Variants in ACSS2 observed in about 807,000 individuals in gnomAD.
The protein encoded by ACSS2 is acyl-CoA synthetase short chain family member 2, also known as acetyl-coenzyme A synthetase, cytoplasmic.
ACSS2 carries 58 observed loss-of-function variants against 90.6 expected under a neutral mutation model. The observed-to-expected ratio is 0.64, with a 90% CI of 0.52 to 0.80. The LOEUF is 0.80. Among genes scored for constraint, ACSS2 ranks in the 30% least tolerant of loss-of-function variants. The pLI is 0.00. For missense variants in ACSS2, 759 were observed against 912.0 expected, an observed-to-expected ratio of 0.83 and a Z score of 2.16; for synonymous variants, 300 against 330.9, an observed-to-expected ratio of 0.91 and a Z score of 1.01.
At chr20:34,894,578 T>C (rs181336482) in intron 2 of ACSS2, among the ~76,000 whole-genome samples, 4 of 152,128 alleles carry the variant, frequency 2.6e-5, no homozygotes, top group Admixed American at 1.3e-4. Flanking sequence ...GGTGGGAGGA[T>C]TTCTTGAGCC....
At chr20:34,924,926 C>T (rs2081285003) in intron 14 of ACSS2, among the ~76,000 whole-genome samples, 2 of 151,778 alleles carry the variant, frequency 1.3e-5, no homozygotes, top group African/African-American at 4.8e-5. Context: ...TCTCGAACTC[C>T]TGATCCACCC....
chr20:34,909,877 C>T (rs750361914), intron 2 of ACSS2, among the ~76,000 whole-genome samples: 26 of 151,946 alleles, frequency 1.7e-4, no homozygotes, highest in Admixed American at 3.9e-4. Context: ...CCACCATGCC[C>T]GGCTAATTTT....
chr20:34,877,350 G>A (rs190577361), intron 1 of ACSS2, among the ~76,000 whole-genome samples: 1 of 152,242 alleles, frequency 6.6e-6, no homozygotes, highest in Non-Finnish European at 1.5e-5. Context: ...GATTAGTAAT[G>A]GAGTCCCCGA....
intron 2 of ACSS2, among the ~76,000 whole-genome samples, chr20:34,901,103 C>G (rs2080646007): frequency 6.6e-6 from 1 of 152,146 alleles, no homozygotes; most frequent in Non-Finnish European, 1.5e-5. Context: ...CTAGTGACTA[C>G]CATTTTGGAC....
chr20:34,919,370 A>C (rs932021703), intron 7 of ACSS2, 65 bp from the exon 8 acceptor site: 12 of 1,592,632 alleles, frequency 7.5e-6, no homozygotes, highest in Non-Finnish European at 1.0e-5. Flanking sequence ...CTCCAGGGGC[A>C]AGGTACGGGT....
At chr20:34,920,255 CTA>C (rs2081166363) in intron 8 of ACSS2, among the ~76,000 whole-genome samples, 2 of 152,170 alleles carry the variant, frequency 1.3e-5, no homozygotes, top group African/African-American at 4.8e-5. Context: ...TATGAGTGTG[CTA>C]TGAGTGCTCA....
intron 2 of ACSS2, among the ~76,000 whole-genome samples, chr20:34,896,116 C>T (rs950217861): frequency 9.2e-5 from 14 of 152,184 alleles, no homozygotes; most frequent in Non-Finnish European, 2.1e-4. Context: ...TGTGATTCCC[C>T]TCCTGTAAGT....
intron 2 of ACSS2, among the ~76,000 whole-genome samples, chr20:34,895,453 C>T (rs2080439652): frequency 6.6e-6 from 1 of 152,198 alleles, no homozygotes; most frequent in Non-Finnish European, 1.5e-5. Flanking sequence ...AACTGTTTCA[C>T]TTCTGAGTTG....
chr20:34,919,432 C>T lies in ACSS2; in HGVS notation c.835-3C>T, dbSNP rs1255907364. On this transcript the variant is annotated splice_polypyrimidine_tract_variant and splice_region_variant and intron_variant, in intron 7 of 17. Coordinates refer to ENST00000360596, the MANE Select transcript of ACSS2 (RefSeq NM_018677.4). ...CACAGTTCTTCCCTGCCCATCCCTG[C>T]AGATCTCATGGAACCAAGGGATTGA... 1 of 1,613,804 alleles carries T rather than the reference C, an allele frequency of 6.2e-7. No individual in the cohort carries two copies. The highest frequency in any genetic ancestry group is 1.7e-5 in the Admixed American group (1 of 60,008).
rs17092174 is a variant in ACSS2, at chr20:34,921,271, G to C, written c.1278-59G>C. The C allele has an allele frequency of 6.8e-3, 10,989 of 1,609,544 alleles. 577 individuals carry two copies. The African/African-American group carries it at 0.12, about 17-fold the overall frequency. Reference sequence around the variant, plus strand: ...GAGGATGGGGCAAGAGAAAAGCCTGGGTATGTGTGTCTTCCAGTAGTACTC... The same window carrying C: ...GAGGATGGGGCAAGAGAAAAGCCTGCGTATGTGTGTCTTCCAGTAGTACTC... On this transcript the variant is annotated intron_variant, in intron 10 of 17. Coordinates refer to ENST00000360596, the MANE Select transcript of ACSS2 (RefSeq NM_018677.4).
intron 2 of ACSS2, chr20:34,908,941 C>T (rs893822492): frequency 9.0e-6 from 4 of 445,986 alleles, no homozygotes; most frequent in African/African-American, 8.2e-5. Flanking sequence ...GATATACTTG[C>T]AGGTGAGTAA....
chr20:34,892,967 T>C (rs1415364271), intron 2 of ACSS2, among the ~76,000 whole-genome samples: 1 of 152,198 alleles, frequency 6.6e-6, no homozygotes, highest in African/African-American at 2.4e-5. Flanking sequence ...TAAACAACCA[T>C]GTCGGTCTCC....
At chr20:34,892,234 G>A (rs2080352007) in intron 2 of ACSS2, among the ~76,000 whole-genome samples, 3 of 152,260 alleles carry the variant, frequency 2.0e-5, no homozygotes, top group Non-Finnish European at 4.4e-5. Context: ...TGGGAGCAGG[G>A]GTTCTTGCCT....
chr20:34,884,848 T>G (rs990035048), intron 2 of ACSS2, among the ~76,000 whole-genome samples: 2 of 151,108 alleles, frequency 1.3e-5, no homozygotes, highest in African/African-American at 4.9e-5. Flanking sequence ...TGCTTGAGCT[T>G]AGGAGTTTGA....
At chr20:34,908,908 C>T in intron 2 of ACSS2, 1 of 440,330 alleles carries the variant, frequency 2.3e-6, no homozygotes. Context: ...CCAACAGGTC[C>T]ACTTCTGGTA....
chr20:34,896,204 G>A (rs1478774677), intron 2 of ACSS2, among the ~76,000 whole-genome samples: 1 of 152,198 alleles, frequency 6.6e-6, no homozygotes. Context: ...AGGGGAACAT[G>A]CAAAAGGTAT....
At chr20:34,893,278 T>C (rs2080379910) in intron 2 of ACSS2, among the ~76,000 whole-genome samples, 1 of 152,174 alleles carries the variant, frequency 6.6e-6, no homozygotes, top group Non-Finnish European at 1.5e-5. Flanking sequence ...TGTGGCCCAC[T>C]GTAGCCTCAA....
chr20:34,879,026 T>C (rs1053045069), intron 1 of ACSS2, among the ~76,000 whole-genome samples: 5 of 148,748 alleles, frequency 3.4e-5, no homozygotes, highest in Non-Finnish European at 7.4e-5. Context: ...TGCCTCAGCC[T>C]CCCGAGTAGC....
intron 14 of ACSS2, 31 bp downstream of exon 14, chr20:34,923,462 C>G: frequency 2.0e-6 from 3 of 1,493,104 alleles, no homozygotes; most frequent in Non-Finnish European, 2.8e-6. Context: ...TCTTGCACCT[C>G]CCACTAAGAC....
Sources: gnomAD v4.1 joint callset for allele counts (sites outside exome capture counted in the v4.1 genomes callset) on GRCh38, gnomAD v4.1.1 for gene constraint, MANE v1.5 for transcripts, NCBI Gene and HGNC (gene_info 2026-07-23, HGNC 2026-07-21) for gene names.